CERS2: variants seen among roughly 807,000 people sequenced by gnomAD.
CERS2 encodes the protein ceramide synthase 2, also known as LAG1 homolog, ceramide synthase 2.
Under a neutral mutation model 56.6 loss-of-function variants are expected in CERS2, and 20 were observed. The ratio of observed to expected loss-of-function variants is 0.35; its 90% CI spans 0.25 to 0.51. The LOEUF is 0.51. CERS2 is among the 20% of genes least tolerant of loss of function. The pLI, the probability that CERS2 is intolerant of heterozygous loss-of-function variation, is 0.96. For synonymous variants in CERS2, 187 were observed against 175.4 expected (o/e 1.07, Z -0.52); for missense variants, 361 against 488.6 (o/e 0.74, Z 2.46).
At chr1:150,969,965 C>T (rs587700963) in intron 1 of CERS2, among the ~76,000 whole-genome samples, 2 of 152,232 alleles carry the variant, frequency 1.3e-5, no homozygotes, top group Non-Finnish European at 2.9e-5. Context: ...CAGTAGCTCA[C>T]GCCTGAAATC....
Position 150,966,052 on chromosome 1 carries a change from C to G in CERS2, c.*96G>C. ...GCAGAGAACTCTCCTCTCACTTTCT[C>G]CTTTTTCCCCAGAGCTTAAAGTGAC... On this transcript the variant is annotated 3_prime_UTR_variant, in exon 11 of 11. Coordinates refer to ENST00000368954, the MANE Select transcript of CERS2 (RefSeq NM_022075.5). 1 of 1,286,214 alleles carries G rather than the reference C, an allele frequency of 7.8e-7. No homozygotes were observed. The highest frequency in any genetic ancestry group is 1.1e-6 in the Non-Finnish European group (1 of 942,630). 79.7% of individuals were successfully genotyped at this position (1,286,214 alleles called of 1,614,324 possible). A position where few individuals can be genotyped will look rare whatever the true frequency, so the allele number is the denominator to read the frequency against.
At position 150,966,037 on chromosome 1, in the gene CERS2, C is replaced by G; in HGVS notation, c.*111G>C. On this transcript the variant is annotated 3_prime_UTR_variant, in exon 11 of 11. Transcript: ENST00000368954. ...GCAAGGAGGGAGGATGCAGAGAACT[C>G]TCCTCTCACTTTCTCCTTTTTCCCC... is the stretch of plus-strand genomic sequence containing the variant. 8.7e-7 allele frequency: 1 copy of G among 1,145,316 alleles called. No individual in the cohort carries two copies. Among genetic ancestry groups the G allele is most frequent in the Non-Finnish European group, 1.2e-6 (1 of 820,154 alleles). The allele number at this position is 1,145,316 out of a possible 1,614,324, so 70.9% of individuals were successfully genotyped here.
At chr1:150,966,939 A>G in intron 8 of CERS2, 77 bp from the exon 9 acceptor site, 2 of 1,425,836 alleles carry the variant, frequency 1.4e-6, no homozygotes, top group South Asian at 1.1e-5. Flanking sequence ...TCCAGTTAGG[A>G]GCACTGACTC....
chr1:150,972,128 T>G (rs1284074368), intron 1 of CERS2, among the ~76,000 whole-genome samples: 1 of 152,180 alleles, frequency 6.6e-6, no homozygotes, highest in Non-Finnish European at 1.5e-5. Flanking sequence ...ACCTGGGCAG[T>G]GCAACTTCCT....
chr1:150,969,231 C>G (rs1028229282), intron 1 of CERS2, 140 bp from the exon 2 acceptor site: 3 of 695,726 alleles, frequency 4.3e-6, no homozygotes, highest in Admixed American at 2.8e-5. Context: ...GCTATGTAGC[C>G]TTGGGCAAAT....
chr1:150,966,467 G>A lies in CERS2; in HGVS notation c.1002+9C>T. 6.2e-7 allele frequency: 1 copy of A among 1,614,082 alleles called. No individual in the cohort carries two copies. The highest frequency in any genetic ancestry group is 8.5e-7 in the Non-Finnish European group (1 of 1,180,008). ...TAGTAAGGCCTACACAATGGGAACA[G>A]GGCTTCACCTTTCCAGTTATGAACT... On this transcript the variant is annotated intron_variant, in intron 10 of 10. Coordinates refer to ENST00000368954, the MANE Select transcript of CERS2 (RefSeq NM_022075.5).
At chr1:150,966,425 C>G (rs1471315983) in intron 10 of CERS2, 51 bp downstream of exon 10, 2 of 1,605,934 alleles carry the variant, frequency 1.2e-6, no homozygotes, top group South Asian at 1.1e-5. Flanking sequence ...GATGGGAGTT[C>G]AGGAAGTTGT....
chr1:150,968,120 C>T lies in CERS2; in HGVS notation c.373G>A (p.Asp125Asn). ...AACTTCTTGAGGAGACTGGGCCGGT[C>T]CTGGTTGCGGCGGCGACGGAACCAA... ...ERWFRRRRNQ[D>N]RPSLLKKFRE... The change falls in exon 4 of 11, where the codon GAC becomes AAC. Residue 125 changes from aspartate (D) to asparagine (N), a missense_variant. Asp to Asn is a conservative substitution (Grantham distance 23, BLOSUM62 1). Coordinates refer to ENST00000368954, the MANE Select transcript of CERS2 (RefSeq NM_022075.5). The T allele has an allele frequency of 6.2e-7, 1 of 1,610,024 alleles. No homozygotes were observed. The highest frequency in any genetic ancestry group is 8.5e-7 in the Non-Finnish European group (1 of 1,179,986).
intron 1 of CERS2, among the ~76,000 whole-genome samples, chr1:150,972,592 C>G (rs1223623358): frequency 6.6e-6 from 1 of 152,262 alleles, no homozygotes; most frequent in Non-Finnish European, 1.5e-5. Context: ...AGTTACTTGA[C>G]TTCTTATGGA....
In CERS2 at chr1:150,967,221, C is replaced by T; in HGVS notation, c.613-19G>A. Reference sequence around the variant, plus strand: ...TGAAATCCTGCAGAGATGATGCAGGCCCCAGGGCCTTTTTTTATTCCCCAG... The same window carrying T: ...TGAAATCCTGCAGAGATGATGCAGGTCCCAGGGCCTTTTTTTATTCCCCAG... On this transcript the variant is annotated intron_variant, in intron 7 of 10. Transcript: ENST00000368954. The T allele has an allele frequency of 6.2e-7, 1 of 1,612,308 alleles. No individual in the cohort carries two copies. Among genetic ancestry groups the T allele is most frequent in the Non-Finnish European group, 8.5e-7 (1 of 1,178,532 alleles).
Position 150,966,576 on chromosome 1 carries a change from C to T in CERS2, c.902G>A (p.Gly301Asp). 6.2e-7 allele frequency: 1 copy of T among 1,614,006 alleles called. No homozygotes were observed. Among genetic ancestry groups the T allele is most frequent in the Non-Finnish European group, 8.5e-7 (1 of 1,179,976 alleles). The change falls in exon 10 of 11, where the codon GGC becomes GAC. Residue 301 changes from glycine (G) to aspartate (D), a missense_variant. By Grantham distance (94) the Gly-to-Asp change is moderately conservative (BLOSUM62 -1). This residue lies in a region of CERS2 where 122 missense variants were observed against 151.9 expected (regional missense o/e 0.80). Coordinates refer to ENST00000368954, the MANE Select transcript of CERS2 (RefSeq NM_022075.5). ...YPLELYPAFFGYYFFNSMMGV... is the reference protein window; with the variant it reads ...YPLELYPAFFDYYFFNSMMGV... ...CATCATGGAATTGAAGAAGTAATAG[C>T]CAAAGAAGGCAGGATAGAGCTCCAG... is the stretch of plus-strand genomic sequence containing the variant.
intron 1 of CERS2, among the ~76,000 whole-genome samples, chr1:150,970,073 C>T (rs1671137799): frequency 6.6e-6 from 1 of 151,690 alleles, no homozygotes; most frequent in Admixed American, 6.6e-5. Context: ...ACAAAAAATA[C>T]AAAAATTAGC....
chr1:150,966,914 C>A, intron 8 of CERS2, 52 bp from the exon 9 acceptor site: 1 of 1,457,432 alleles, frequency 6.9e-7, no homozygotes, highest in South Asian at 1.1e-5. Flanking sequence ...CCCTCGAGTA[C>A]ATTCATATGT....
rs1670998480 is a variant in CERS2, at chr1:150,965,967, G to C, written c.*181C>G. 8 of 609,300 alleles carry C rather than the reference G, an allele frequency of 1.3e-5. No individual in the cohort carries two copies. Among genetic ancestry groups the C allele is most frequent in the Non-Finnish European group, 2.2e-5 (8 of 361,774 alleles). 37.7% of individuals were successfully genotyped at this position (609,300 alleles called of 1,614,324 possible). On this transcript the variant is annotated 3_prime_UTR_variant, in exon 11 of 11. Coordinates refer to ENST00000368954, the MANE Select transcript of CERS2 (RefSeq NM_022075.5). Reference sequence around the variant, plus strand: ...AATATAACCAACGTCCCCCTACCTGGGGATAGGCTGGTTAGAATTTGGTTT... The same window carrying C: ...AATATAACCAACGTCCCCCTACCTGCGGATAGGCTGGTTAGAATTTGGTTT...
chr1:150,972,216 T>C (rs1200789378), intron 1 of CERS2, among the ~76,000 whole-genome samples: 2 of 152,136 alleles, frequency 1.3e-5, no homozygotes, highest in Non-Finnish European at 2.9e-5. Flanking sequence ...TGCAGATTAA[T>C]GGGGGCTTTT....
At position 150,965,797 on chromosome 1, in the gene CERS2, A is replaced by C. The variant is rs1377106088; in HGVS notation, c.*351T>G. ...CCTGGCTCTGGAGGTCAGGGAGTCA[A>C]AGGCAAACAGCTGGGGCCAAATTCT... On this transcript the variant is annotated 3_prime_UTR_variant, in exon 11 of 11. Coordinates refer to ENST00000368954, the MANE Select transcript of CERS2 (RefSeq NM_022075.5). 5.2e-6 allele frequency: 1 copy of C among 191,274 alleles called. No individual in the cohort carries two copies. Among genetic ancestry groups the C allele is most frequent in the Non-Finnish European group, 1.1e-5 (1 of 94,362 alleles). 11.8% of individuals were successfully genotyped at this position (191,274 alleles called of 1,614,324 possible). A position where few individuals can be genotyped will look rare whatever the true frequency, so the allele number is the denominator to read the frequency against.
In CERS2 at chr1:150,969,009, G is replaced by A. The variant is rs1204828874; in HGVS notation, c.82C>T (p.Arg28Ter). 2 of 1,613,972 alleles carry A rather than the reference G, an allele frequency of 1.2e-6. No homozygotes were observed. The highest frequency in any genetic ancestry group is 3.3e-5 in the Admixed American group (2 of 59,990). The change falls in exon 2 of 11, where the codon CGA becomes TGA. Residue 28 changes from arginine to a stop codon, truncating the protein, a stop_gained. Transcript: ENST00000368954. LOFTEE classifies it high-confidence loss of function. The part of the protein sequence containing the change: ...VNLTWADLED[R>*]DGRVYAKASD... ...GCTTTGGCGTAGACACGTCCATCTC[G>A]GTCTTCTAGATCGGCCCAGGTCAAG...
intron 1 of CERS2, chr1:150,972,997 A>G (rs891380523): frequency 2.0e-5 from 3 of 152,240 alleles, no homozygotes; most frequent in Non-Finnish European, 4.4e-5. Context: ...GTTTGGAAGA[A>G]TAACTGAGGA....
In CERS2 at chr1:150,966,140, G is replaced by A. The variant is rs267739; in HGVS notation, c.*8C>T. Reference sequence around the variant, plus strand: ...TGCATTAATCTGGGAGGCAGCTGGAGTAATGGTTCAGTCATTCTTACGATG... The same window carrying A: ...TGCATTAATCTGGGAGGCAGCTGGAATAATGGTTCAGTCATTCTTACGATG... On this transcript the variant is annotated 3_prime_UTR_variant, in exon 11 of 11. Coordinates refer to ENST00000368954, the MANE Select transcript of CERS2 (RefSeq NM_022075.5). 1 allele frequency: 1,606,296 copies of A among 1,611,926 alleles called. 800,521 individuals carry two copies. The highest frequency in any genetic ancestry group is 1 in the East Asian group (44,858 of 44,858).
Sources: allele counts gnomAD v4.1 joint callset (sites outside exome capture counted in the v4.1 genomes callset), GRCh38; gene constraint gnomAD v4.1.1; regional missense constraint gnomAD v4.1.1; transcripts MANE v1.5; gene names NCBI Gene and HGNC (gene_info 2026-07-23, HGNC 2026-07-21).